NAV2: variants seen among roughly 807,000 people sequenced by gnomAD.
The protein encoded by NAV2 is helicase, APC down-regulated 1.
In NAV2, 54 loss-of-function variants were observed where a neutral mutation model predicts 223.2. The observed-to-expected ratio is 0.24, with a 90% CI of 0.19 to 0.30. The LOEUF is 0.30. Among genes scored for constraint, NAV2 ranks in the 10% least tolerant of loss-of-function variants. The pLI, the probability that NAV2 is intolerant of heterozygous loss-of-function variation, is 1.00. For synonymous variants in NAV2, 1,279 were observed against 1,239.3 expected (o/e 1.03, Z -0.67); for missense variants, 2,806 against 3,147.5 (o/e 0.89, Z 2.60).
chr11:19,878,585 G>T (rs934570961), intron 4 of NAV2, among the ~76,000 whole-genome samples: 1 of 152,162 alleles, frequency 6.6e-6, no homozygotes, highest in Non-Finnish European at 1.5e-5. Flanking sequence ...GAATCTGCTA[G>T]CTCCCAAAGT....
At chr11:19,966,154 C>T (rs895083210) in intron 10 of NAV2, among the ~76,000 whole-genome samples, 1 of 152,162 alleles carries the variant, frequency 6.6e-6, no homozygotes, top group East Asian at 1.9e-4. Context: ...CAGTCACGAG[C>T]CCTCCAGATT....
chr11:19,736,031 T>G (rs1365625307), intron 1 of NAV2, among the ~76,000 whole-genome samples: 1 of 152,098 alleles, frequency 6.6e-6, no homozygotes, highest in Non-Finnish European at 1.5e-5. Context: ...AAGATCTTTT[T>G]CAAAAAGCCT....
rs1477421568 is a variant in NAV2 at position 19,876,239 on chromosome 11, G to A, written c.512-3630G>A. 3.3e-5 allele frequency among the ~76,000 whole-genome samples: 5 copies of A among 152,164 alleles called. No homozygotes were observed. In the East Asian group the frequency reaches 9.7e-4, roughly 30 times the overall value. On this transcript the variant is annotated intron_variant, in intron 4 of 37. Transcript: ENST00000349880. ...GACGGTGTTTCACCATGTGAGCCAGGCTGGTTTCAATCTCTTGACCTTGTG... is the reference window on the plus strand; with the variant it reads ...GACGGTGTTTCACCATGTGAGCCAGACTGGTTTCAATCTCTTGACCTTGTG...
chr11:19,870,970 A>G (rs952525014), intron 4 of NAV2, among the ~76,000 whole-genome samples: 2 of 152,208 alleles, frequency 1.3e-5, no homozygotes, highest in Non-Finnish European at 2.9e-5. Context: ...GTTATAGCCC[A>G]TGGAGGCACA....
chr11:19,939,079 C>G (rs898292131), intron 7 of NAV2, among the ~76,000 whole-genome samples: 2 of 152,162 alleles, frequency 1.3e-5, no homozygotes, highest in Non-Finnish European at 2.9e-5. Context: ...TGGGGAAGTA[C>G]AGATTTCAGT....
intron 1 of NAV2, among the ~76,000 whole-genome samples, chr11:19,512,441 C>T (rs2043308928): frequency 6.6e-6 from 1 of 152,102 alleles, no homozygotes; most frequent in Admixed American, 6.5e-5. Context: ...ACCAATGGCC[C>T]ATGTGTCTGG....
At position 19,857,644 on chromosome 11, in the gene NAV2, G is replaced by T. The variant is rs183109515; in HGVS notation, c.439-11281G>T. Among the ~76,000 whole-genome samples the T allele has an allele frequency of 5.9e-5, 9 of 152,284 alleles. No individual in the cohort carries two copies. The East Asian group carries it at 1.7e-3, about 29-fold the overall frequency. On this transcript the variant is annotated intron_variant, in intron 3 of 37. Coordinates refer to ENST00000349880, the MANE Select transcript of NAV2 (RefSeq NM_145117.5). ...CTGTCTACCTCTGTTGTCTGTCTTA[G>T]GGGACTGGAAGTCAGGATTTTTTTC...
intron 1 of NAV2, among the ~76,000 whole-genome samples, chr11:19,490,592 C>A (rs1335477611): frequency 6.6e-6 from 1 of 152,222 alleles, no homozygotes; most frequent in Non-Finnish European, 1.5e-5. Context: ...TCAGGATCCA[C>A]TTCTAATTCT....
intron 6 of NAV2, among the ~76,000 whole-genome samples, chr11:19,896,458 A>G (rs375796235): frequency 6.6e-6 from 1 of 152,112 alleles, no homozygotes; most frequent in Admixed American, 6.5e-5. Flanking sequence ...GCTACTGAAG[A>G]ATTAAATAAT....
intron 1 of NAV2, among the ~76,000 whole-genome samples, chr11:19,551,105 C>T (rs568249899): frequency 2.5e-4 from 38 of 152,394 alleles, no homozygotes; most frequent in Admixed American, 1.9e-3. Context: ...TCTTCTTCTA[C>T]CCCAGCACTG....
chr11:19,547,338 A>C (rs1293563927), intron 1 of NAV2, among the ~76,000 whole-genome samples: 1 of 152,224 alleles, frequency 6.6e-6, no homozygotes, highest in Non-Finnish European at 1.5e-5. Flanking sequence ...CCCCAAATGT[A>C]ATGCCAAATC....
At chr11:20,067,335 A>G (rs182940438) in intron 20 of NAV2, among the ~76,000 whole-genome samples, 59 of 152,276 alleles carry the variant, frequency 3.9e-4, no homozygotes, top group Non-Finnish European at 4.9e-4. Context: ...AATGGGGCAG[A>G]ATTAACCCAG....
At chr11:19,429,792 T>C (rs1023842984) in intron 1 of NAV2, among the ~76,000 whole-genome samples, 9 of 152,222 alleles carry the variant, frequency 5.9e-5, no homozygotes, top group African/African-American at 1.9e-4. Context: ...GATTAAGTCC[T>C]GAGACCGTGC....
chr11:19,611,887 CTG>C (rs2046656289), intron 1 of NAV2, among the ~76,000 whole-genome samples: 1 of 152,256 alleles, frequency 6.6e-6, no homozygotes, highest in Non-Finnish European at 1.5e-5. Context: ...AGTAAGGACT[CTG>C]TGTGGGGGAT....
rs149322755 is a variant in NAV2 at position 19,502,473 on chromosome 11, A to G, written c.75+151446A>G. On this transcript the variant is annotated intron_variant, in intron 1 of 37. Coordinates refer to the NAV2 transcript ENST00000360655. ...GGTACGCTTTGCTGATGACAGCTAT[A>G]GGTTTTCATAGTGCAATTAAGATGA... is the stretch of plus-strand genomic sequence containing the variant. 5.0e-3 allele frequency among the ~76,000 whole-genome samples: 759 copies of G among 152,330 alleles called. 8 individuals are homozygous for G. Among genetic ancestry groups the G allele is most frequent in the African/African-American group, 0.017 (715 of 41,574 alleles).
chr11:19,991,286 C>T (rs138872546), intron 11 of NAV2, among the ~76,000 whole-genome samples: 2,564 of 151,956 alleles, frequency 0.017, 87 homozygotes, highest in African/African-American at 0.059. Flanking sequence ...CCACTGCACC[C>T]GGCTAATTTT....
At chr11:19,350,904 T>G in exon 1 of NAV2, 1 of 1,535,446 alleles carries the variant, frequency 6.5e-7, no homozygotes, top group Non-Finnish European at 8.8e-7. Context: ...TGTTCCTCTG[T>G]GGATTTGGAA....
intron 1 of NAV2, among the ~76,000 whole-genome samples, chr11:19,559,954 C>T (rs956691950): frequency 2.0e-5 from 3 of 152,124 alleles, no homozygotes; most frequent in South Asian, 2.1e-4. Context: ...CCTGGAATCC[C>T]GATTTCTCTA....
At chr11:20,090,422 G>T (rs1053201425) in intron 26 of NAV2, among the ~76,000 whole-genome samples, 1 of 151,982 alleles carries the variant, frequency 6.6e-6, no homozygotes, top group Admixed American at 6.6e-5. Flanking sequence ...CTGATTGCCA[G>T]AGCTCAGCAA....
Sources: gnomAD v4.1 joint callset for allele counts (sites outside exome capture counted in the v4.1 genomes callset) on GRCh38, gnomAD v4.1.1 for gene constraint, MANE v1.5 for transcripts, NCBI Gene and HGNC (gene_info 2026-07-23, HGNC 2026-07-21) for gene names.